Variants in GTF3C1 observed in about 807,000 individuals in gnomAD.
GTF3C1 encodes the protein general transcription factor IIIC subunit 1.
GTF3C1 carries 57 observed loss-of-function variants against 226.7 expected under a neutral mutation model. The observed-to-expected ratio is 0.25, with a 90% CI of 0.20 to 0.31. The LOEUF is 0.31. Ranked by LOEUF, GTF3C1 falls within the 10% of genes least tolerant of loss-of-function variation. The pLI is 1.00. For missense variants in GTF3C1, 2,217 were observed against 2,776.1 expected (o/e 0.80, Z 4.53); for synonymous variants, 1,090 against 1,084.8 (o/e 1.00, Z -0.09).
chr16:27,494,184 A>G (rs232069), intron 16 of GTF3C1, among the ~76,000 whole-genome samples: 33,626 of 152,006 alleles, frequency 0.22, 4,465 homozygotes, highest in African/African-American at 0.38. Flanking sequence ...GGCGGATCAC[A>G]AGGTCAGAAG....
intron 9 of GTF3C1, 25 bp from the exon 10 acceptor site, chr16:27,506,141 C>CA: frequency 7.2e-7 from 1 of 1,394,778 alleles, no homozygotes; most frequent in African/African-American, 1.4e-5. Flanking sequence ...AGAGATAGAA[C>CA]AAATCAAGGG....
chr16:27,483,610 T>G (rs2088090351), intron 25 of GTF3C1, among the ~76,000 whole-genome samples: 1 of 152,268 alleles, frequency 6.6e-6, no homozygotes, highest in South Asian at 2.1e-4. Flanking sequence ...GACCAGCATT[T>G]GCTGGGCTCC....
rs181770727 is a variant in GTF3C1 at position 27,479,077 on chromosome 16, C to T, written c.4197-546G>A. Among the ~76,000 whole-genome samples the T allele has an allele frequency of 2.0e-5, 3 of 152,278 alleles. No homozygotes were observed. In the East Asian group the frequency reaches 5.8e-4, roughly 29 times the overall value. ...GGTGACCACAGTTAATAACACATTA[C>T]ATATTTTGAAATTACTAAAATAATA... On this transcript the variant is annotated intron_variant, in intron 27 of 36. Transcript: ENST00000356183.
At chr16:27,511,727 C>G (rs1183299535) in intron 7 of GTF3C1, 22 bp downstream of exon 7, 3 of 1,610,586 alleles carry the variant, frequency 1.9e-6, no homozygotes, top group Non-Finnish European at 2.5e-6. Flanking sequence ...CATATCCAAG[C>G]TGGCATGGGA....
intron 5 of GTF3C1, among the ~76,000 whole-genome samples, chr16:27,530,970 G>A (rs1422158843): frequency 6.6e-6 from 1 of 152,114 alleles, no homozygotes; most frequent in African/African-American, 2.4e-5. Flanking sequence ...CCTCCAAAAT[G>A]TTTCTCAAAC....
chr16:27,539,220 G>A (rs957698653), intron 2 of GTF3C1, among the ~76,000 whole-genome samples: 3 of 152,124 alleles, frequency 2.0e-5, no homozygotes, highest in Non-Finnish European at 4.4e-5. Flanking sequence ...ACTGAACGGT[G>A]CAATCAGTGG....
chr16:27,509,049 A>G (rs960323043), intron 7 of GTF3C1, among the ~76,000 whole-genome samples: 13 of 152,256 alleles, frequency 8.5e-5, no homozygotes, highest in African/African-American at 3.1e-4. Flanking sequence ...AAGCATCAAA[A>G]TAATTTTTAA....
At chr16:27,467,899 G>T (rs1371006405) in intron 32 of GTF3C1, among the ~76,000 whole-genome samples, 1 of 152,068 alleles carries the variant, frequency 6.6e-6, no homozygotes, top group Non-Finnish European at 1.5e-5. Context: ...AATACATTTC[G>T]TAAAGCTATA....
At chr16:27,472,643 C>A (rs988764794) in intron 29 of GTF3C1, among the ~76,000 whole-genome samples, 1 of 152,236 alleles carries the variant, frequency 6.6e-6, no homozygotes, top group African/African-American at 2.4e-5. Context: ...CGCTCACTGC[C>A]CTCCAGCCTC....
intron 19 of GTF3C1, among the ~76,000 whole-genome samples, chr16:27,491,887 C>T (rs1196526951): frequency 6.6e-6 from 1 of 152,180 alleles, no homozygotes; most frequent in Admixed American, 6.5e-5. Flanking sequence ...TCCAATGTCT[C>T]CTCCTCAGCA....
At chr16:27,517,577 C>A in intron 6 of GTF3C1, among the ~76,000 whole-genome samples, 1 of 152,196 alleles carries the variant, frequency 6.6e-6, no homozygotes, top group African/African-American at 2.4e-5. Context: ...CGAGGAGTTT[C>A]AGGCATTTTA....
At chr16:27,501,848 A>G (rs2088409267) in intron 11 of GTF3C1, among the ~76,000 whole-genome samples, 1 of 152,182 alleles carries the variant, frequency 6.6e-6, no homozygotes, top group African/African-American at 2.4e-5. Context: ...CATGCCTATA[A>G]TACCAGCACT....
intron 16 of GTF3C1, among the ~76,000 whole-genome samples, 166 bp from the exon 17 acceptor site, chr16:27,493,462 C>T (rs747122193): frequency 2.0e-5 from 3 of 152,224 alleles, no homozygotes; most frequent in Non-Finnish European, 2.9e-5. Context: ...CCTTTGGCCT[C>T]GCTGCCCCTC....
chr16:27,463,575 C>G lies in GTF3C1; in HGVS notation c.5890G>C (p.Gly1964Arg). 6.2e-7 allele frequency: 1 copy of G among 1,603,224 alleles called. No homozygotes were observed. Among genetic ancestry groups the G allele is most frequent in the South Asian group, 1.1e-5 (1 of 90,880 alleles). ...GCTGCCTGGGAGATGTTGGCAGCTC[C>G]GAAACTCTCTGTGAACCCTGAGGGA... ...EDPRGFTESFGAANISQAARE... is the reference protein window; with the variant it reads ...EDPRGFTESFRAANISQAARE... The change falls in exon 35 of 37, where the codon GGA becomes CGA. Residue 1964 changes from glycine to arginine, a missense_variant. Coordinates refer to ENST00000356183, the MANE Select transcript of GTF3C1 (RefSeq NM_001520.4). The surrounding 1 kb of genome is among the most constrained non-coding windows in gnomAD (Gnocchi z 4.9).
At position 27,511,914 on chromosome 16, in the gene GTF3C1, G is replaced by A. The variant is rs771987075; in HGVS notation, c.974-13C>T. On this transcript the variant is annotated splice_polypyrimidine_tract_variant and intron_variant, in intron 6 of 36. Coordinates refer to ENST00000356183, the MANE Select transcript of GTF3C1 (RefSeq NM_001520.4). ...ATGACGTCGGTCCCTGGCAACACAA[G>A]CACGGGTTTGCCAGCAATGAGTGAA... The A allele has an allele frequency of 3.1e-5, 50 of 1,613,408 alleles. No homozygotes were observed. Among genetic ancestry groups the A allele is most frequent in the Non-Finnish European group, 4.1e-5 (48 of 1,179,978 alleles).
rs763708630 is a variant in GTF3C1, at chr16:27,469,371, T to C, written c.4994A>G (p.Asn1665Ser). ...GCAGGAGTTGACCACAATGCTGTCG[T>C]TGGGGTTGAGGTTGCGGGTGCTGAC... ...GIVSTRNLNP[N>S]DSIVVNSCQM... Residue 1665 changes from asparagine to serine, a missense_variant, in exon 32 of 37, where the codon AAC becomes AGC. Asn to Ser is a conservative substitution (Grantham distance 46). Around this residue, in one of 12 missense-constraint regions of GTF3C1, gnomAD observed 455 missense variants for 441.9 expected, o/e 1.03. Coordinates refer to ENST00000356183, the MANE Select transcript of GTF3C1 (RefSeq NM_001520.4). This position sits in a 1 kb window ranked among gnomAD's most constrained non-coding sequence, Gnocchi z 4.5. 13 of 1,611,184 alleles carry C rather than the reference T, an allele frequency of 8.1e-6. No individual in the cohort carries two copies. The East Asian group carries it at 2.0e-4, about 25-fold the overall frequency.
At chr16:27,500,641 A>C (rs1487836592) in intron 12 of GTF3C1, among the ~76,000 whole-genome samples, 2 of 152,126 alleles carry the variant, frequency 1.3e-5, no homozygotes, top group African/African-American at 4.8e-5. Context: ...GACCGTGAAA[A>C]ACGTGTGCCT....
Position 27,481,126 on chromosome 16 carries a change from C to T in GTF3C1, c.4149G>A (p.Arg1383=), listed in dbSNP as rs777509969. ...KLKEKFSSAL[R]NSNLEIPDTL... ...TGTCTGGGATTTCAAGGTTAGAATT[C>T]CTTAGGGCTGAACTGAACTTTTCTT... The change falls in exon 27 of 37, where the codon AGG becomes AGA. Residue 1383 remains arginine (R), a synonymous_variant. Transcript: ENST00000356183. 1.9e-6 allele frequency: 3 copies of T among 1,614,094 alleles called. No homozygotes were observed. The African/African-American group carries it at 4.0e-5, about 22-fold the overall frequency.
chr16:27,470,661 A>G lies in GTF3C1; in HGVS notation c.4527-266T>C. The G allele has an allele frequency of 4.3e-6, 2 of 465,122 alleles. No homozygotes were observed. The highest frequency in any genetic ancestry group is 7.8e-6 in the Non-Finnish European group (2 of 255,672). 28.8% of individuals were successfully genotyped at this position (465,122 alleles called of 1,614,324 possible). A position where few individuals can be genotyped will look rare whatever the true frequency, so the allele number is the denominator to read the frequency against. ...TCAATGTGGCCTCACCTGGCGCTCC[A>G]GGAGGGCGCTGGCAGGCTCACCTTA... On this transcript the variant is annotated intron_variant, in intron 30 of 36. Transcript: ENST00000356183. This position sits in a 1 kb window ranked among gnomAD's most constrained non-coding sequence, Gnocchi z 4.9.
Sources: gnomAD v4.1 joint callset for allele counts (sites outside exome capture counted in the v4.1 genomes callset) on GRCh38, gnomAD v4.1.1 for gene constraint, gnomAD v4.1.1 regional missense constraint, Gnocchi (gnomAD v3.1) non-coding constraint, MANE v1.5 for transcripts, NCBI Gene and HGNC (gene_info 2026-07-23, HGNC 2026-07-21) for gene names.